The following PKHD1 variants were observed in gnomAD, a reference collection of about 807,000 sequenced individuals.
PKHD1 encodes fibrocystin.
In PKHD1, 291 loss-of-function variants were observed where a neutral mutation model predicts 412.0. The ratio of observed to expected loss-of-function variants is 0.71; its 90% CI spans 0.64 to 0.78. The LOEUF is 0.78. Ranked by LOEUF, PKHD1 falls within the 30% of genes least tolerant of loss-of-function variation. The probability of loss-of-function intolerance (pLI) is 0.00; values close to 1 mark genes in which losing one functional copy is unlikely to be tolerated. For missense variants in PKHD1, 4,825 were observed against 4,950.7 expected (o/e 0.97, Z 0.76); for synonymous variants, 1,777 against 1,821.5 (o/e 0.98, Z 0.62).
chr6:51,664,994 C>T (rs1773494672), intron 60 of PKHD1, among the ~76,000 whole-genome samples: 1 of 151,962 alleles, frequency 6.6e-6, no homozygotes. Flanking sequence ...TTCCTTTCTA[C>T]ACTCCCCAAA....
chr6:51,699,727 G>A (rs1362084387), intron 60 of PKHD1, among the ~76,000 whole-genome samples: 1 of 152,110 alleles, frequency 6.6e-6, no homozygotes, highest in Non-Finnish European at 1.5e-5. Context: ...TGTGACAGAG[G>A]AAGCTGTAAT....
chr6:52,026,220 T>G, intron 31 of PKHD1, 39 bp from the exon 32 acceptor site: 4 of 1,565,082 alleles, frequency 2.6e-6, no homozygotes, highest in South Asian at 1.1e-5. Flanking sequence ...TTATAGCTGA[T>G]ATTCTGAACT....
intron 5 of PKHD1, among the ~76,000 whole-genome samples, chr6:52,078,040 A>T (rs746011495): frequency 1.2e-4 from 19 of 152,084 alleles, no homozygotes; most frequent in Non-Finnish European, 2.1e-4. Flanking sequence ...AAGGAAGCAT[A>T]CCTCTCTATT....
At chr6:51,766,061 T>C (rs991012171) in intron 55 of PKHD1, among the ~76,000 whole-genome samples, 2 of 152,180 alleles carry the variant, frequency 1.3e-5, no homozygotes, top group Non-Finnish European at 2.9e-5. Context: ...TTATCATGTA[T>C]GTAATTTTAC....
intron 52 of PKHD1, among the ~76,000 whole-genome samples, chr6:51,820,728 A>T (rs1379580679): frequency 2.0e-5 from 3 of 152,162 alleles, no homozygotes; most frequent in Non-Finnish European, 2.9e-5. Flanking sequence ...CAATGAGCCA[A>T]CTATGCCATT....
intron 60 of PKHD1, among the ~76,000 whole-genome samples, chr6:51,675,625 C>T (rs1562079778): frequency 6.6e-6 from 1 of 151,998 alleles, no homozygotes; most frequent in South Asian, 2.1e-4. Context: ...GTAAGAGGGG[C>T]TGAGAGAAGA....
At chr6:51,695,596 T>G (rs1562117907) in intron 60 of PKHD1, among the ~76,000 whole-genome samples, 1 of 152,186 alleles carries the variant, frequency 6.6e-6, no homozygotes, top group African/African-American at 2.4e-5. Flanking sequence ...TTATTCAGCT[T>G]GAAGCAGTGT....
chr6:51,751,698 A>G (rs1786139431), intron 57 of PKHD1, among the ~76,000 whole-genome samples: 1 of 152,204 alleles, frequency 6.6e-6, no homozygotes, highest in Admixed American at 6.5e-5. Flanking sequence ...AATGTACAGC[A>G]GTTACCACAC....
intron 3 of PKHD1, among the ~76,000 whole-genome samples, chr6:52,082,746 A>G (rs1812224530): frequency 6.6e-6 from 1 of 152,168 alleles, no homozygotes; most frequent in Non-Finnish European, 1.5e-5. Flanking sequence ...CTTCAGGTTC[A>G]CCTAAATCCA....
chr6:51,971,449 G>A (rs1049521862), intron 35 of PKHD1, among the ~76,000 whole-genome samples: 1 of 152,114 alleles, frequency 6.6e-6, no homozygotes, highest in Non-Finnish European at 1.5e-5. Flanking sequence ...TCCTCACACA[G>A]GACATGCAAC....
chr6:51,753,472 A>G (rs932126762), intron 56 of PKHD1, 119 bp from the exon 57 acceptor site: 9 of 809,472 alleles, frequency 1.1e-5, no homozygotes, highest in Non-Finnish European at 1.5e-5. Context: ...AGTTCTACCA[A>G]CATTAAGGTC....
chr6:51,766,891 G>A (rs1315201755), intron 55 of PKHD1, among the ~76,000 whole-genome samples: 1 of 151,866 alleles, frequency 6.6e-6, no homozygotes, highest in East Asian at 1.9e-4. Context: ...ATTATTTACT[G>A]CTGTGGCTAT....
At chr6:52,045,365 A>G (rs1278082977) in intron 24 of PKHD1, among the ~76,000 whole-genome samples, 2 of 152,240 alleles carry the variant, frequency 1.3e-5, no homozygotes, top group Non-Finnish European at 2.9e-5. Flanking sequence ...TTGCTTCTCC[A>G]TGCTTTTCCA....
At chr6:51,827,157 A>T (rs78005556) in intron 52 of PKHD1, among the ~76,000 whole-genome samples, 8,066 of 152,208 alleles carry the variant, frequency 0.053, 220 homozygotes, top group South Asian at 0.071. Flanking sequence ...CTGTAATAAT[A>T]GTTATTACCT....
chr6:52,035,619 C>T lies in PKHD1; in HGVS notation c.3200G>A (p.Ser1067Asn), dbSNP rs1803817971. The change falls in exon 28 of 67, where the codon AGC becomes AAC. Residue 1067 changes from serine to asparagine, a missense_variant. Coordinates refer to ENST00000371117, the MANE Select transcript of PKHD1 (RefSeq NM_138694.4). Reference protein sequence around the residue: ...CAINVATSNSSRIQCKVPPRG... With the variant: ...CAINVATSNSNRIQCKVPPRG... ...GGGTGGAACTTTGCACTGAATTCTG[C>T]TTGAATTGCTTGTAGCGACATTGAT... 2 of 1,613,960 alleles carry T rather than the reference C, an allele frequency of 1.2e-6. No homozygotes were observed. Among genetic ancestry groups the T allele is most frequent in the Non-Finnish European group, 1.7e-6 (2 of 1,179,902 alleles).
chr6:51,748,021 C>T lies in PKHD1; in HGVS notation c.9595G>A (p.Val3199Met). Residue 3199 changes from valine to methionine, a missense_variant, in exon 58 of 67, where the codon GTG (valine) becomes ATG (methionine). Val to Met is a conservative substitution (Grantham distance 21). Transcript: ENST00000371117. ...PQNSVKKVQI[V>M]LRNSVIVATS... is the part of the protein sequence containing the mutation. Reference sequence around the variant, plus strand: ...GCCACAATGACTGAATTCCTAAGCACAATCTGCACTTTTTTGACGGAATTT... The same window carrying T: ...GCCACAATGACTGAATTCCTAAGCATAATCTGCACTTTTTTGACGGAATTT... 1.2e-6 allele frequency: 2 copies of T among 1,614,076 alleles called. No homozygotes were observed. Among genetic ancestry groups the T allele is most frequent in the Non-Finnish European group, 1.7e-6 (2 of 1,179,976 alleles).
intron 57 of PKHD1, among the ~76,000 whole-genome samples, chr6:51,750,159 T>A (rs1785849740): frequency 6.6e-6 from 1 of 152,146 alleles, no homozygotes. Context: ...AAGGAACCTA[T>A]ACGTCTACTT....
intron 36 of PKHD1, among the ~76,000 whole-genome samples, chr6:51,946,421 A>C (rs1167629802): frequency 6.6e-6 from 1 of 152,260 alleles, no homozygotes; most frequent in East Asian, 1.9e-4. Flanking sequence ...ATGTGAAAGA[A>C]GATAAAGTTT....
chr6:52,036,157 T>C (rs1803917326), intron 27 of PKHD1, among the ~76,000 whole-genome samples: 1 of 152,170 alleles, frequency 6.6e-6, no homozygotes, highest in Non-Finnish European at 1.5e-5. Flanking sequence ...CTCAGCTACT[T>C]TTAGCAGGTC....
Sources: gnomAD v4.1 joint callset for allele counts (sites outside exome capture counted in the v4.1 genomes callset) on GRCh38, gnomAD v4.1.1 for gene constraint, MANE v1.5 for transcripts, NCBI Gene and HGNC (gene_info 2026-07-23, HGNC 2026-07-21) for gene names.